EVL: variants seen among roughly 807,000 people sequenced by gnomAD.
EVL encodes the protein ena/VASP-like protein.
A neutral mutation model predicts 59.6 loss-of-function variants in EVL; 21 were observed. The ratio of observed to expected loss-of-function variants is 0.35; its 90% CI spans 0.25 to 0.51. The LOEUF (loss-of-function observed/expected upper bound fraction) is 0.51. Among genes scored for constraint, EVL ranks in the 20% least tolerant of loss-of-function variants. The probability of loss-of-function intolerance (pLI) is 0.97; values close to 1 mark genes in which losing one functional copy is unlikely to be tolerated. For missense variants in EVL, 462 were observed against 546.6 expected, an observed-to-expected ratio of 0.85 and a Z score of 1.54; for synonymous variants, 198 against 203.5, an observed-to-expected ratio of 0.97 and a Z score of 0.23.
In EVL at chr14:100,108,042, C is replaced by G. The variant is rs1486885403; in HGVS notation, c.358+10384C>G. ...CTACTTGGTTTGCGTGTAATAACATCATTGGTATATTTCAAAATATGAAGC... is the reference window on the plus strand; with the variant it reads ...CTACTTGGTTTGCGTGTAATAACATGATTGGTATATTTCAAAATATGAAGC... On this transcript the variant is annotated intron_variant, in intron 3 of 13. Transcript: ENST00000392920. The surrounding 1 kb of genome is among the most constrained non-coding windows in gnomAD (Gnocchi z 4.1). The G allele has an allele frequency of 6.6e-6, 1 of 152,124 alleles. No homozygotes were observed. The highest frequency in any genetic ancestry group is 6.5e-5 in the Admixed American group (1 of 15,280). The allele number at this position is 152,124 out of a possible 1,614,324, so 9.4% of individuals were successfully genotyped here. A position where few individuals can be genotyped will look rare whatever the true frequency, so the allele number is the denominator to read the frequency against.
intron 1 of EVL, among the ~76,000 whole-genome samples, chr14:100,036,498 A>G (rs1315601073): frequency 6.6e-6 from 1 of 152,198 alleles, no homozygotes; most frequent in Non-Finnish European, 1.5e-5. Context: ...TTCTCATGGC[A>G]GCCTTGACCA....
intron 2 of EVL, among the ~76,000 whole-genome samples, chr14:100,095,851 C>G (rs1885772752): frequency 6.6e-6 from 1 of 152,156 alleles, no homozygotes; most frequent in African/African-American, 2.4e-5. Flanking sequence ...CCTCAGCCTC[C>G]CAAGTAGCTG....
In EVL at chr14:100,084,768, C is replaced by A; in HGVS notation, c.93C>A (p.Gly31=). The part of the protein sequence containing the change: ...TSKKWVPIKP[G]QQGFSRINIY... ...AGAAATGGGTACCAATCAAACCTGG[C>A]CAGCAGGGATTCAGCCGGATCAACA... The change falls in exon 2 of 14, where the codon GGC becomes GGA. Residue 31 remains glycine, a synonymous_variant. Coordinates refer to ENST00000392920, the MANE Select transcript of EVL (RefSeq NM_016337.3). 1 of 1,614,158 alleles carries A rather than the reference C, an allele frequency of 6.2e-7. No homozygotes were observed. Among genetic ancestry groups the A allele is most frequent in the Non-Finnish European group, 8.5e-7 (1 of 1,180,034 alleles).
At position 100,123,607 on chromosome 14, in the gene EVL, C is replaced by T; in HGVS notation, c.422+5C>T. 6.2e-7 allele frequency: 1 copy of T among 1,614,048 alleles called. No homozygotes were observed. The highest frequency in any genetic ancestry group is 8.5e-7 in the Non-Finnish European group (1 of 1,179,956). Reference sequence around the variant, plus strand: ...TGAGATGGACATCCAGAGAAGGTAACCCAGCACCCGCAGGGGCCAGGCTGG... The same window carrying T: ...TGAGATGGACATCCAGAGAAGGTAATCCAGCACCCGCAGGGGCCAGGCTGG... On this transcript the variant is annotated splice_donor_5th_base_variant and intron_variant, in intron 4 of 13. Coordinates refer to ENST00000392920, the MANE Select transcript of EVL (RefSeq NM_016337.3).
intron 7 of EVL, among the ~76,000 whole-genome samples, chr14:100,131,484 G>T (rs929369389): frequency 2.2e-4 from 33 of 152,256 alleles, no homozygotes; most frequent in Non-Finnish European, 3.5e-4. Context: ...GCCTCTGAGG[G>T]CATGCAGTTG....
At chr14:100,031,607 G>C (rs1330991021) in intron 1 of EVL, among the ~76,000 whole-genome samples, 1 of 152,134 alleles carries the variant, frequency 6.6e-6, no homozygotes, top group Non-Finnish European at 1.5e-5. Flanking sequence ...CTGGTTCGTG[G>C]TCTTTCCTGG....
intron 1 of EVL, among the ~76,000 whole-genome samples, chr14:100,034,067 A>C (rs1415965271): frequency 1.3e-5 from 2 of 149,974 alleles, no homozygotes; most frequent in Non-Finnish European, 2.9e-5. Context: ...CTCTACTAAA[A>C]ATACAAACAA....
chr14:100,103,846 G>C (rs1886387589), intron 3 of EVL, among the ~76,000 whole-genome samples: 1 of 152,208 alleles, frequency 6.6e-6, no homozygotes, highest in African/African-American at 2.4e-5. Flanking sequence ...TGAGTGCATA[G>C]ATACAAGCTC....
intron 1 of EVL, among the ~76,000 whole-genome samples, chr14:100,005,959 C>CT (rs2060976155): frequency 7.3e-6 from 1 of 136,618 alleles, no homozygotes; most frequent in Non-Finnish European, 1.5e-5. Context: ...AAATAAAGCC[C>CT]TTTAAGTCAA....
intron 11 of EVL, chr14:100,138,295 G>A (rs1335809324): frequency 6.2e-6 from 1 of 161,102 alleles, no homozygotes; most frequent in Non-Finnish European, 1.4e-5. Flanking sequence ...CCAGCCCAGA[G>A]TCCTTCCTCT....
chr14:100,144,022 C>A lies in EVL; in HGVS notation c.*284C>A. On this transcript the variant is annotated 3_prime_UTR_variant, in exon 14 of 14. Transcript: ENST00000392920. ...TTTCTTTGGGTTTCTAGAGACGCCC[C>A]TAAGTCACCTGCTTCATTAGACGGT... 1 of 475,192 alleles carries A rather than the reference C, an allele frequency of 2.1e-6. No individual in the cohort carries two copies. The highest frequency in any genetic ancestry group is 3.7e-6 in the Non-Finnish European group (1 of 267,308). 29.4% of individuals were successfully genotyped at this position (475,192 alleles called of 1,614,324 possible). A position where few individuals can be genotyped will look rare whatever the true frequency, so the allele number is the denominator to read the frequency against.
chr14:99,981,058 T>C (rs1474956777), intron 1 of EVL, among the ~76,000 whole-genome samples: 8 of 151,506 alleles, frequency 5.3e-5, no homozygotes, highest in Non-Finnish European at 8.8e-5. Flanking sequence ...GGGCAACATA[T>C]TGAGATCCTA....
intron 1 of EVL, 108 bp downstream of exon 1, chr14:100,065,619 T>TC: frequency 1.8e-6 from 1 of 566,538 alleles, no homozygotes; most frequent in Non-Finnish European, 2.8e-6. Context: ...AGTATACTGA[T>TC]CGAGAAGTCC....
At chr14:100,047,614 T>C (rs1331948669) in intron 1 of EVL, among the ~76,000 whole-genome samples, 1 of 152,198 alleles carries the variant, frequency 6.6e-6, no homozygotes, top group Non-Finnish European at 1.5e-5. Context: ...AGGTTGGCAG[T>C]GCCTTGCTTA....
chr14:100,125,424 C>CACATCCTCATTTT (rs1471728880), intron 4 of EVL, among the ~76,000 whole-genome samples: 1 of 152,224 alleles, frequency 6.6e-6, no homozygotes, highest in Non-Finnish European at 1.5e-5. Context: ...GTATTTTTCA[C>CACATCCTCATTTT]ACATCCTCAT....
chr14:100,015,212 G>A (rs1006359156), intron 1 of EVL, among the ~76,000 whole-genome samples: 1 of 152,224 alleles, frequency 6.6e-6, no homozygotes, highest in African/African-American at 2.4e-5. Flanking sequence ...GAACTGTAAT[G>A]AGATTCAGTA....
Position 100,004,851 on chromosome 14 carries a change from A to G in EVL, c.5+32794A>G, listed in dbSNP as rs929364105. On this transcript the variant is annotated intron_variant, in intron 1 of 13. Coordinates refer to the EVL transcript ENST00000402714. ...AGACAAAAATTGTTCACCTTTTTAA[A>G]AAGGACACATGTATTTTTTTAGAAT... Among the ~76,000 whole-genome samples the G allele has an allele frequency of 2.6e-5, 4 of 152,340 alleles. No individual in the cohort carries two copies. The East Asian group carries it at 7.7e-4, about 29-fold the overall frequency.
At chr14:100,123,887 C>T (rs1887859427) in intron 4 of EVL, among the ~76,000 whole-genome samples, 1 of 152,226 alleles carries the variant, frequency 6.6e-6, no homozygotes, top group Non-Finnish European at 1.5e-5. Context: ...CCAGCAGGGC[C>T]CAAGTGCTGC....
intron 11 of EVL, chr14:100,140,874 G>C: frequency 3.4e-6 from 1 of 291,772 alleles, no homozygotes; most frequent in Middle Eastern, 9.9e-4. Context: ...GGGTGGGTGC[G>C]ATGTTGTCAC....
Sources: gnomAD v4.1 joint callset for allele counts (sites outside exome capture counted in the v4.1 genomes callset) on GRCh38, gnomAD v4.1.1 for gene constraint, Gnocchi (gnomAD v3.1) non-coding constraint, MANE v1.5 for transcripts, NCBI Gene and HGNC (gene_info 2026-07-23, HGNC 2026-07-21) for gene names.